PRDM1: variants seen among roughly 807,000 people sequenced by gnomAD.
The protein encoded by PRDM1 is PR/SET domain 1.
In PRDM1, 13 loss-of-function variants were observed where a neutral mutation model predicts 62.8. The observed-to-expected ratio is 0.21, with a 90% CI of 0.13 to 0.33. The LOEUF is 0.33. PRDM1 is among the 10% of genes least tolerant of loss of function. PRDM1 has a pLI of 1.00. For missense variants in PRDM1, 895 were observed against 1,058.8 expected (o/e 0.85, Z 2.15); for synonymous variants, 396 against 417.6 (o/e 0.95, Z 0.63).
upstream of PRDM1, among the ~76,000 whole-genome samples, chr6:106,043,589 A>C (rs1773033047): frequency 6.6e-6 from 1 of 152,186 alleles, no homozygotes; most frequent in Admixed American, 6.5e-5. Flanking sequence ...GCTGGAGTGC[A>C]ATGGCACGAT....
chr6:106,026,422 C>T (rs571808929), intron 1 of PRDM1, among the ~76,000 whole-genome samples: 23 of 151,920 alleles, frequency 1.5e-4, no homozygotes, highest in Admixed American at 7.9e-4. Flanking sequence ...GAGGTTGCAG[C>T]GAGCCAAGAT....
rs552869671 is a variant in PRDM1, at chr6:106,109,699, C to CT, written c.*2215dup. On this transcript the variant is annotated 3_prime_UTR_variant, in exon 7 of 7. Coordinates refer to ENST00000369096, the MANE Select transcript of PRDM1 (RefSeq NM_001198.4). ...CCCATAGTGAGAATTTTTATAAAGA[C>CT]TTCTTGCTTCTCTCACCATCCATCC... is the stretch of plus-strand genomic sequence containing the variant. The CT allele has an allele frequency of 4.3e-5, 10 of 233,140 alleles. No homozygotes were observed. Among genetic ancestry groups the CT allele is most frequent in the Non-Finnish European group, 7.6e-5 (9 of 117,790 alleles). 14.4% of individuals were successfully genotyped at this position (233,140 alleles called of 1,614,324 possible). A position where few individuals can be genotyped will look rare whatever the true frequency, so the allele number is the denominator to read the frequency against.
intron 1 of PRDM1, among the ~76,000 whole-genome samples, chr6:106,032,412 TTC>T (rs1772857140): frequency 6.6e-6 from 1 of 151,492 alleles, no homozygotes; most frequent in African/African-American, 2.4e-5. Flanking sequence ...TGATCCACCC[TTC>T]TCAGTCTCCC....
rs1469601537 is a variant in PRDM1 at position 106,086,518 on chromosome 6, T to G, written c.-36T>G. 6.5e-7 allele frequency: 1 copy of G among 1,545,638 alleles called. No homozygotes were observed. Among genetic ancestry groups the G allele is most frequent in the Non-Finnish European group, 8.8e-7 (1 of 1,142,304 alleles). On this transcript the variant is annotated 5_prime_UTR_variant, in exon 1 of 7. The change abolishes an upstream ATG in the 5' untranslated region. Coordinates refer to ENST00000369096, the MANE Select transcript of PRDM1 (RefSeq NM_001198.4). ...AGCCTGGCGGGGGACGCGGGGAGAA[T>G]GTGGACTGGGTAGAGATGAACGAGA... is the stretch of plus-strand genomic sequence containing the variant.
chr6:106,074,217 G>A (rs902734520), intron 1 of PRDM1, among the ~76,000 whole-genome samples: 1 of 152,194 alleles, frequency 6.6e-6, no homozygotes, highest in African/African-American at 2.4e-5. Context: ...TATTGCAGAT[G>A]AAATGTTGTA....
intron 1 of PRDM1, among the ~76,000 whole-genome samples, chr6:106,074,309 C>T (rs914588358): frequency 1.7e-4 from 26 of 152,162 alleles, no homozygotes; most frequent in African/African-American, 5.3e-4. Flanking sequence ...TTAAGAAATC[C>T]AGTCTCTAGG....
In PRDM1 at chr6:106,086,500, C is replaced by T; in HGVS notation, c.-54C>T. The T allele has an allele frequency of 6.6e-7, 1 of 1,511,738 alleles. No individual in the cohort carries two copies. Among genetic ancestry groups the T allele is most frequent in the Non-Finnish European group, 9.0e-7 (1 of 1,114,270 alleles). 93.6% of individuals were successfully genotyped at this position (1,511,738 alleles called of 1,614,324 possible). ...TGCGCGTCTGTGCGGCTCAGCCTGG[C>T]GGGGGACGCGGGGAGAATGTGGACT... On this transcript the variant is annotated 5_prime_UTR_variant, in exon 1 of 7. Transcript: ENST00000369096.
chr6:106,038,934 A>T (rs1323925224), intron 1 of PRDM1, among the ~76,000 whole-genome samples: 1 of 152,192 alleles, frequency 6.6e-6, no homozygotes. Context: ...TTCTTTCCAG[A>T]ATCCTCTCTC....
chr6:106,061,546 A>T (rs1452071132), intron 1 of PRDM1, among the ~76,000 whole-genome samples: 1 of 152,234 alleles, frequency 6.6e-6, no homozygotes, highest in Non-Finnish European at 1.5e-5. Flanking sequence ...TATCTCAAAC[A>T]TATTTTCCAG....
chr6:106,075,754 G>A (rs988220161), intron 1 of PRDM1, among the ~76,000 whole-genome samples: 40 of 152,144 alleles, frequency 2.6e-4, no homozygotes, highest in South Asian at 2.3e-3. Flanking sequence ...CTGGGGTCTT[G>A]CTATGTTCCT....
chr6:106,108,271 G>C lies in PRDM1; in HGVS notation c.*785G>C. The C allele has an allele frequency of 4.3e-6, 1 of 233,684 alleles. No homozygotes were observed. Among genetic ancestry groups the C allele is most frequent in the Admixed American group, 5.6e-5 (1 of 17,790 alleles). 14.5% of individuals were successfully genotyped at this position (233,684 alleles called of 1,614,324 possible). A position where few individuals can be genotyped will look rare whatever the true frequency, so the allele number is the denominator to read the frequency against. ...ATTTTACCGGAAGGGTGACAGGAAGGCTTTACCAACCTGTCTCTCCCTCCA... is the reference window on the plus strand; with the variant it reads ...ATTTTACCGGAAGGGTGACAGGAAGCCTTTACCAACCTGTCTCTCCCTCCA... On this transcript the variant is annotated 3_prime_UTR_variant, in exon 7 of 7. Coordinates refer to ENST00000369096, the MANE Select transcript of PRDM1 (RefSeq NM_001198.4).
At chr6:106,053,130 G>A (rs1056782476) in intron 1 of PRDM1, among the ~76,000 whole-genome samples, 2 of 152,122 alleles carry the variant, frequency 1.3e-5, no homozygotes, top group African/African-American at 4.8e-5. Context: ...ATTTTATTCA[G>A]TTTAGGGAAA....
chr6:106,108,502 T>C lies in PRDM1; in HGVS notation c.*1016T>C, dbSNP rs565381947. The C allele has an allele frequency of 1.7e-5, 4 of 230,776 alleles. No homozygotes were observed. In the East Asian group the frequency reaches 2.4e-4, roughly 14 times the overall value. 14.3% of individuals were successfully genotyped at this position (230,776 alleles called of 1,614,324 possible). A position where few individuals can be genotyped will look rare whatever the true frequency, so the allele number is the denominator to read the frequency against. On this transcript the variant is annotated 3_prime_UTR_variant, in exon 7 of 7. Coordinates refer to ENST00000369096, the MANE Select transcript of PRDM1 (RefSeq NM_001198.4). Reference sequence around the variant, plus strand: ...TGGGGGCTTGAGTCTGGGTGGTGTTTTGTTGTTGGTTTTTGTTGCTTTTTT... The same window carrying C: ...TGGGGGCTTGAGTCTGGGTGGTGTTCTGTTGTTGGTTTTTGTTGCTTTTTT...
intron 1 of PRDM1, among the ~76,000 whole-genome samples, chr6:106,006,178 C>T (rs567004320): frequency 2.6e-4 from 40 of 152,272 alleles, no homozygotes; most frequent in Middle Eastern, 3.4e-3. Context: ...AAACATGCTG[C>T]GTGTAAACAC....
At chr6:106,031,814 T>C (rs1223494747) in intron 1 of PRDM1, among the ~76,000 whole-genome samples, 1 of 152,202 alleles carries the variant, frequency 6.6e-6, no homozygotes, top group Non-Finnish European at 1.5e-5. Context: ...TAAAGAGAAG[T>C]AGATCAGCTA....
In PRDM1 at chr6:106,086,609, A is replaced by T. The variant is rs1051075456; in HGVS notation, c.42+14A>T. ...GGTACGACCTTGGTAAGGAACTTGAATTTTTTTTTTTTAATTCTGAAATTG... is the reference window on the plus strand; with the variant it reads ...GGTACGACCTTGGTAAGGAACTTGATTTTTTTTTTTTTAATTCTGAAATTG... On this transcript the variant is annotated intron_variant, in intron 1 of 6. Transcript: ENST00000369096. 53 of 1,240,270 alleles carry T rather than the reference A, an allele frequency of 4.3e-5. No homozygotes were observed. Among genetic ancestry groups the T allele is most frequent in the Non-Finnish European group, 5.2e-5 (48 of 917,420 alleles). 76.8% of individuals were successfully genotyped at this position (1,240,270 alleles called of 1,614,324 possible).
chr6:106,049,870 TTTC>T (rs1224561582), intron 1 of PRDM1, among the ~76,000 whole-genome samples: 2 of 152,256 alleles, frequency 1.3e-5, no homozygotes, highest in African/African-American at 4.8e-5. Flanking sequence ...CGATTGTCCG[TTTC>T]TCTTTATTTC....
intron 1 of PRDM1, among the ~76,000 whole-genome samples, chr6:106,022,307 T>C (rs1403470449): frequency 6.6e-6 from 1 of 152,170 alleles, no homozygotes; most frequent in African/African-American, 2.4e-5. Context: ...GGCTGGAGTA[T>C]GGTGGCAAAA....
chr6:106,067,995 T>C (rs746004847), intron 1 of PRDM1, among the ~76,000 whole-genome samples: 5 of 152,200 alleles, frequency 3.3e-5, no homozygotes, highest in Admixed American at 6.5e-5. Context: ...TCTATATTTA[T>C]TTTGCATAGG....
Sources: gnomAD v4.1 joint callset for allele counts (sites outside exome capture counted in the v4.1 genomes callset) on GRCh38, gnomAD v4.1.1 for gene constraint, MANE v1.5 for transcripts, NCBI Gene and HGNC (gene_info 2026-07-23, HGNC 2026-07-21) for gene names.